Variants in SYT16 observed in about 807,000 individuals in gnomAD.
SYT16 encodes the protein synaptotagmin-16.
A neutral mutation model predicts 61.4 loss-of-function variants in SYT16; 42 were observed. The observed-to-expected ratio is 0.68, with a 90% CI of 0.53 to 0.89. The LOEUF is 0.89. SYT16 is among the 40% of genes least tolerant of loss of function. The probability of loss-of-function intolerance (pLI) is 0.00; values close to 1 mark genes in which losing one functional copy is unlikely to be tolerated. For missense variants in SYT16, 804 were observed against 807.3 expected (o/e 1.00, Z 0.05); for synonymous variants, 314 against 302.3 (o/e 1.04, Z -0.40).
At chr14:61,950,328 CTT>C (rs76477433) in intron 1 of SYT16, among the ~76,000 whole-genome samples, 7,089 of 152,242 alleles carry the variant, frequency 0.047, 233 homozygotes, top group East Asian at 0.1. Flanking sequence ...ATAAAGGACT[CTT>C]TTAGATGGGC....
chr14:62,087,846 T>C (rs1349359901), intron 7 of SYT16, among the ~76,000 whole-genome samples: 1 of 152,182 alleles, frequency 6.6e-6, no homozygotes, highest in Non-Finnish European at 1.5e-5. Context: ...GGTAAAATCC[T>C]TGGGCGAGAG....
intron 3 of SYT16, among the ~76,000 whole-genome samples, chr14:62,055,316 G>C (rs1453385711): frequency 2.0e-5 from 3 of 152,216 alleles, no homozygotes; most frequent in Non-Finnish European, 2.9e-5. Flanking sequence ...AAAAGAGTCA[G>C]AGAGGCTGAC....
chr14:62,040,941 T>C (rs1002725641), intron 3 of SYT16, among the ~76,000 whole-genome samples: 5 of 152,096 alleles, frequency 3.3e-5, no homozygotes, highest in Admixed American at 2.0e-4. Context: ...TAGATGTATA[T>C]ATAAAGGGGA....
Position 62,092,730 on chromosome 14 carries a change from G to A in SYT16, c.1625-7664G>A, listed in dbSNP as rs571616609. On this transcript the variant is annotated intron_variant, in intron 7 of 7. Coordinates refer to ENST00000683842, the MANE Select transcript of SYT16 (RefSeq NM_001367656.1). ...GGTGGTTGCCAGGGGGTGAAGGAGA[G>A]GGAAATGGGGAGTTATCATTTAATG... 9.4e-4 allele frequency among the ~76,000 whole-genome samples: 143 copies of A among 151,872 alleles called. 1 individual carries two copies. In the South Asian group the frequency reaches 0.013, roughly 14 times the overall value.
At chr14:61,992,442 C>T (rs779028503) in intron 2 of SYT16, among the ~76,000 whole-genome samples, 3 of 152,028 alleles carry the variant, frequency 2.0e-5, no homozygotes, top group Non-Finnish European at 4.4e-5. Context: ...GCGGGAGCTC[C>T]GTGAGTTGCT....
At chr14:61,812,447 T>C (rs1378944617), upstream of SYT16, 1 of 151,578 alleles carries the variant, frequency 6.6e-6, no homozygotes, top group Non-Finnish European at 1.5e-5. Context: ...CGGGAGCGTG[T>C]TTCCAAGTTG....
intron 3 of SYT16, 89 bp from the exon 4 acceptor site, chr14:62,069,514 G>GTTC: frequency 7.7e-7 from 1 of 1,306,570 alleles, no homozygotes; most frequent in African/African-American, 1.5e-5. Context: ...CATTGTCCAC[G>GTTC]TTCTTCTCTT....
rs1389997255 is a variant in SYT16, at chr14:62,106,482, T to C, written c.*5775T>C. The stretch of plus-strand genomic sequence containing the variant: ...TTAAAATAGAAAAATGTACTTGAAG[T>C]CTTGGTTCTGCTAAAGAAGAATGAG... On this transcript the variant is annotated 3_prime_UTR_variant, in exon 8 of 8. Coordinates refer to ENST00000683842, the MANE Select transcript of SYT16 (RefSeq NM_001367656.1). 2 of 152,140 alleles carry C rather than the reference T, an allele frequency of 1.3e-5. No homozygotes were observed. Among genetic ancestry groups the C allele is most frequent in the Non-Finnish European group, 2.9e-5 (2 of 68,030 alleles). 9.4% of individuals were successfully genotyped at this position (152,140 alleles called of 1,614,324 possible).
intron 3 of SYT16, among the ~76,000 whole-genome samples, chr14:62,024,686 G>A (rs1687699903): frequency 6.6e-6 from 1 of 151,984 alleles, no homozygotes; most frequent in African/African-American, 2.4e-5. Flanking sequence ...GGTGTTGTAT[G>A]TTCTATGATT....
chr14:61,885,394 G>A (rs1368140676), intron 1 of SYT16, among the ~76,000 whole-genome samples: 1 of 152,074 alleles, frequency 6.6e-6, no homozygotes, highest in African/African-American at 2.4e-5. Flanking sequence ...TGATGATGAT[G>A]ATGATGATGA....
intron 2 of SYT16, among the ~76,000 whole-genome samples, chr14:61,973,742 A>G (rs1316782703): frequency 1.3e-5 from 2 of 152,166 alleles, no homozygotes; most frequent in Admixed American, 6.5e-5. Flanking sequence ...CACATTGTCT[A>G]TGCTTTTAAG....
intron 1 of SYT16, among the ~76,000 whole-genome samples, chr14:61,875,496 A>AT (rs1047941345): frequency 1.6e-4 from 25 of 152,272 alleles, no homozygotes; most frequent in African/African-American, 6.0e-4. Context: ...AAACATTAAA[A>AT]TTTTTTTTCT....
intron 1 of SYT16, among the ~76,000 whole-genome samples, chr14:61,858,131 A>G (rs2046838500): frequency 6.7e-6 from 1 of 150,202 alleles, no homozygotes; most frequent in African/African-American, 2.4e-5. Flanking sequence ...AAAAAAAAAA[A>G]AAAAAAAAAA....
intron 1 of SYT16, among the ~76,000 whole-genome samples, chr14:61,900,838 T>C (rs994928457): frequency 7.2e-5 from 11 of 152,188 alleles, no homozygotes; most frequent in African/African-American, 2.7e-4. Flanking sequence ...CAAGGCCTCT[T>C]GATTTAAGTT....
At chr14:62,067,092 C>T (rs755236984) in intron 3 of SYT16, among the ~76,000 whole-genome samples, 25 of 149,200 alleles carry the variant, frequency 1.7e-4, no homozygotes, top group Non-Finnish European at 3.0e-4. Context: ...GCACAGGGAA[C>T]CGTGTGTGTG....
intron 1 of SYT16, among the ~76,000 whole-genome samples, chr14:61,875,872 C>G (rs927550016): frequency 6.6e-6 from 1 of 152,156 alleles, no homozygotes; most frequent in Non-Finnish European, 1.5e-5. Context: ...GTGTCTAGAC[C>G]ATGTTCCTTT....
Position 61,832,101 on chromosome 14 carries a change from A to C in SYT16, c.-325+19291A>C. The C allele has an allele frequency of 6.8e-6, 5 of 731,170 alleles. No homozygotes were observed. In the Admixed American group the frequency reaches 9.2e-5, roughly 13 times the overall value. 45.3% of individuals were successfully genotyped at this position (731,170 alleles called of 1,614,324 possible). On this transcript the variant is annotated intron_variant, in intron 1 of 7. Transcript: ENST00000683842. The stretch of plus-strand genomic sequence containing the variant: ...GTTCACGCCCCTGTTCATCTCAGCA[A>C]AGCTCTCCTTGAACTGAATGTGATA...
rs1339573522 is a variant in SYT16 at position 62,098,136 on chromosome 14, G to A, written c.1625-2258G>A. Among the ~76,000 whole-genome samples, 4 of 152,204 alleles carry A rather than the reference G, an allele frequency of 2.6e-5. No homozygotes were observed. In the East Asian group the frequency reaches 7.7e-4, roughly 29 times the overall value. On this transcript the variant is annotated intron_variant, in intron 7 of 7. Coordinates refer to ENST00000683842, the MANE Select transcript of SYT16 (RefSeq NM_001367656.1). ...AGATCAACATAGAAAGAAAACTGCA[G>A]GTTGTAATTTGTTTCCTATCTTACA...
intron 3 of SYT16, among the ~76,000 whole-genome samples, chr14:61,997,458 A>T (rs530571603): frequency 6.6e-6 from 1 of 152,076 alleles, no homozygotes; most frequent in Non-Finnish European, 1.5e-5. Context: ...TTCATTTTCC[A>T]TGATTCCTAT....
Sources: allele counts gnomAD v4.1 joint callset (sites outside exome capture counted in the v4.1 genomes callset), GRCh38; gene constraint gnomAD v4.1.1; transcripts MANE v1.5; gene names NCBI Gene and HGNC (gene_info 2026-07-23, HGNC 2026-07-21).